Variants in PDE8A observed in about 807,000 individuals in gnomAD.
PDE8A encodes phosphodiesterase 8A, also known as high affinity cAMP-specific and IBMX-insensitive 3',5'-cyclic phosphodiesterase 8A.
PDE8A carries 59 observed loss-of-function variants against 105.0 expected under a neutral mutation model. The ratio of observed to expected loss-of-function variants is 0.56; its 90% confidence interval spans 0.46 to 0.70. The LOEUF is 0.70. Ranked by LOEUF, PDE8A falls within the 30% of genes least tolerant of loss-of-function variation. The pLI, the probability that PDE8A is intolerant of heterozygous loss-of-function variation, is 0.00. For missense variants in PDE8A, 1,014 were observed against 1,045.9 expected, an observed-to-expected ratio of 0.97 and a Z score of 0.42; for synonymous variants, 355 against 371.9, an observed-to-expected ratio of 0.95 and a Z score of 0.52.
chr15:85,060,248 A>G (rs1352921751), intron 1 of PDE8A, among the ~76,000 whole-genome samples: 1 of 152,200 alleles, frequency 6.6e-6, no homozygotes, highest in Non-Finnish European at 1.5e-5. Flanking sequence ...CTAATGTTAT[A>G]TAAATATTTA....
chr15:85,004,005 G>T (rs2080106322), intron 1 of PDE8A, among the ~76,000 whole-genome samples: 2 of 152,220 alleles, frequency 1.3e-5, no homozygotes, highest in Non-Finnish European at 2.9e-5. Flanking sequence ...TTAACGGCCA[G>T]GTCTAGAAGT....
At chr15:85,101,388 C>T (rs1395170752) in intron 11 of PDE8A, among the ~76,000 whole-genome samples, 6 of 152,002 alleles carry the variant, frequency 3.9e-5, no homozygotes, top group African/African-American at 1.2e-4. Context: ...GAAATGTGAG[C>T]GGGAAAGCAT....
intron 1 of PDE8A, among the ~76,000 whole-genome samples, chr15:85,013,204 CCT>C (rs1335875111): frequency 1.3e-5 from 2 of 152,128 alleles, no homozygotes; most frequent in African/African-American, 4.8e-5. Flanking sequence ...CAGATTTGGA[CCT>C]TAGCAACTTT....
intron 2 of PDE8A, among the ~76,000 whole-genome samples, chr15:85,065,771 G>C (rs140943915): frequency 6.6e-6 from 1 of 152,210 alleles, no homozygotes; most frequent in Admixed American, 6.5e-5. Context: ...GATGGAGCAC[G>C]GGTGCTCCTG....
intron 1 of PDE8A, among the ~76,000 whole-genome samples, chr15:85,023,210 C>T (rs371108119): frequency 9.9e-5 from 15 of 152,250 alleles, no homozygotes; most frequent in African/African-American, 3.1e-4. Flanking sequence ...GTCTTGAGGA[C>T]GTCGCTGAAT....
Position 85,091,049 on chromosome 15 carries a change from A to C in PDE8A, c.720A>C (p.Ala240=). 6.2e-7 allele frequency: 1 copy of C among 1,607,604 alleles called. No individual in the cohort carries two copies. Among genetic ancestry groups the C allele is most frequent in the Non-Finnish European group, 8.5e-7 (1 of 1,177,692 alleles). The change falls in exon 8 of 22, where the codon GCA becomes GCC. Residue 240 remains alanine (A), a synonymous_variant. Coordinates refer to ENST00000394553, the MANE Select transcript of PDE8A (RefSeq NM_002605.3). ...ITSEDRFIQY[A]NPAFETTMGY... is the part of the protein sequence containing the mutation. ...TTTCTTTTGTCTCCCTTCAGTATGC[A>C]AATCCTGCATTTGAAACAACAATGG... is the stretch of plus-strand genomic sequence containing the variant.
chr15:85,125,778 G>A (rs1425612367), intron 19 of PDE8A, among the ~76,000 whole-genome samples: 1 of 152,088 alleles, frequency 6.6e-6, no homozygotes. Flanking sequence ...CCCATTTGTT[G>A]TGAGGGCAGA....
chr15:84,993,171 T>A (rs145250838), intron 1 of PDE8A, among the ~76,000 whole-genome samples: 1 of 152,000 alleles, frequency 6.6e-6, no homozygotes, highest in Non-Finnish European at 1.5e-5. Context: ...CGGCTGGGCG[T>A]GGTGGCTCAT....
intron 1 of PDE8A, among the ~76,000 whole-genome samples, chr15:85,050,606 T>A (rs547853676): frequency 2.9e-4 from 44 of 152,326 alleles, no homozygotes; most frequent in Admixed American, 2.7e-3. Context: ...GCTCCCTTGT[T>A]AAAAATTATT....
At position 85,101,489 on chromosome 15, in the gene PDE8A, A is replaced by G. The variant is rs9920206; in HGVS notation, c.1036+1291A>G. On this transcript the variant is annotated intron_variant, in intron 11 of 21. Transcript: ENST00000394553. ...AAATTTTGACTTGTATAAAAGGTCA[A>G]TGGGGAAAGAGGTATTTGGGTCAAT... Among the ~76,000 whole-genome samples, 798 of 152,344 alleles carry G rather than the reference A, an allele frequency of 5.2e-3. 2 individuals are homozygous for G. The highest frequency in any genetic ancestry group is 0.019 in the South Asian group (94 of 4,828).
chr15:85,026,723 G>C (rs1214499577), intron 1 of PDE8A, among the ~76,000 whole-genome samples: 1 of 152,018 alleles, frequency 6.6e-6, no homozygotes, highest in Non-Finnish European at 1.5e-5. Context: ...AGGCTGCAGT[G>C]AACTGTGATC....
intron 8 of PDE8A, among the ~76,000 whole-genome samples, chr15:85,094,367 C>T (rs546857394): frequency 2.0e-4 from 30 of 152,336 alleles, no homozygotes; most frequent in Non-Finnish European, 3.2e-4. Context: ...CCTTTTCCTA[C>T]TCTTCTTCCA....
chr15:85,046,715 G>A (rs2080893578), intron 1 of PDE8A, among the ~76,000 whole-genome samples: 1 of 152,188 alleles, frequency 6.6e-6, no homozygotes. Flanking sequence ...AAGGGATAGG[G>A]AGGGTAGAGG....
intron 1 of PDE8A, among the ~76,000 whole-genome samples, chr15:85,055,936 G>A (rs536155437): frequency 6.6e-6 from 1 of 152,226 alleles, no homozygotes; most frequent in Non-Finnish European, 1.5e-5. Flanking sequence ...TGTTTTTGCA[G>A]TGGCTGGTAC....
intron 6 of PDE8A, 106 bp downstream of exon 6, chr15:85,083,750 G>T: frequency 1.4e-6 from 1 of 721,138 alleles, no homozygotes. Context: ...TGCAGAAATG[G>T]GATTGGAGAG....
Position 85,064,893 on chromosome 15 carries a change from G to A in PDE8A, c.243+467G>A, listed in dbSNP as rs535289931. Among the ~76,000 whole-genome samples the A allele has an allele frequency of 3.9e-5, 6 of 152,156 alleles. No individual in the cohort carries two copies. In the East Asian group the frequency reaches 1.2e-3, roughly 29 times the overall value. ...AGGCTGAGATGGGAGAATCACCTGAGCCCGGGAGGTCAAGGCTGCAGTGAG... is the reference window on the plus strand; with the variant it reads ...AGGCTGAGATGGGAGAATCACCTGAACCCGGGAGGTCAAGGCTGCAGTGAG... On this transcript the variant is annotated intron_variant, in intron 2 of 21. Coordinates refer to ENST00000394553, the MANE Select transcript of PDE8A (RefSeq NM_002605.3).
chr15:85,067,910 C>T (rs961125333), intron 3 of PDE8A, among the ~76,000 whole-genome samples: 2 of 152,004 alleles, frequency 1.3e-5, no homozygotes, highest in East Asian at 1.9e-4. Flanking sequence ...GACTAGGTAG[C>T]GTTTACCCTT....
At position 85,138,779 on chromosome 15, in the gene PDE8A, G is replaced by C. The variant is rs530236604; in HGVS notation, c.*876G>C. ...CAGGTAACTCCCCAAGGTAAAACTA[G>C]ACTCTCTTGTTGGTTCGCAAAGAAA... On this transcript the variant is annotated 3_prime_UTR_variant, in exon 22 of 22. Coordinates refer to ENST00000394553, the MANE Select transcript of PDE8A (RefSeq NM_002605.3). 6.6e-6 allele frequency: 1 copy of C among 152,276 alleles called. No individual in the cohort carries two copies. Among genetic ancestry groups the C allele is most frequent in the South Asian group, 2.1e-4 (1 of 4,820 alleles). 9.4% of individuals were successfully genotyped at this position (152,276 alleles called of 1,614,324 possible). A position where few individuals can be genotyped will look rare whatever the true frequency, so the allele number is the denominator to read the frequency against.
rs1300432674 is a variant in PDE8A, at chr15:85,120,802, T to C, written c.1740T>C (p.Thr580=). Reference sequence around the variant, plus strand: ...AAAAGCTCTCTTGTTTTCAGGAAACTTTAGATCCAATTGATGAGGTCGCTG... The same window carrying C: ...AAAAGCTCTCTTGTTTTCAGGAAACCTTAGATCCAATTGATGAGGTCGCTG... ...YFLSKERIKE[T]LDPIDEVAAL... The change falls in exon 18 of 22, where the codon ACT becomes ACC. Residue 580 remains threonine (T), a synonymous_variant. Transcript: ENST00000394553. 1.2e-6 allele frequency: 2 copies of C among 1,602,570 alleles called. No homozygotes were observed. Among genetic ancestry groups the C allele is most frequent in the Non-Finnish European group, 8.5e-7 (1 of 1,174,148 alleles).
Sources: gnomAD v4.1 joint callset for allele counts (sites outside exome capture counted in the v4.1 genomes callset) on GRCh38, gnomAD v4.1.1 for gene constraint, MANE v1.5 for transcripts, NCBI Gene and HGNC (gene_info 2026-07-23, HGNC 2026-07-21) for gene names.